The following CEP128 variants were observed in gnomAD, a reference collection of about 807,000 sequenced individuals.
CEP128 encodes centrosomal protein 128kDa.
A neutral mutation model predicts 156.7 loss-of-function variants in CEP128; 132 were observed. That is an observed-to-expected ratio of 0.84 (90% CI 0.73 to 0.97). The LOEUF (loss-of-function observed/expected upper bound fraction) is 0.97. Among genes scored for constraint, CEP128 ranks in the 50% least tolerant of loss-of-function variants. The pLI, the probability that CEP128 is intolerant of heterozygous loss-of-function variation, is 0.00. For synonymous variants in CEP128, 469 were observed against 448.9 expected (o/e 1.04, Z -0.57); for missense variants, 1,252 against 1,281.9 (o/e 0.98, Z 0.36).
At chr14:80,691,789 CTAAA>C (rs1346043274) in intron 19 of CEP128, among the ~76,000 whole-genome samples, 4 of 152,180 alleles carry the variant, frequency 2.6e-5, no homozygotes, top group African/African-American at 9.6e-5. Flanking sequence ...ATAATTAAAA[CTAAA>C]TAAGTTTTTA....
chr14:80,517,293 G>A (rs1888533779), intron 23 of CEP128, among the ~76,000 whole-genome samples: 1 of 151,868 alleles, frequency 6.6e-6, no homozygotes, highest in African/African-American at 2.4e-5. Context: ...TGGTCTTCTA[G>A]ATTTCTACAA....
At chr14:80,727,230 G>C (rs1898053771) in intron 19 of CEP128, among the ~76,000 whole-genome samples, 1 of 151,978 alleles carries the variant, frequency 6.6e-6, no homozygotes. Flanking sequence ...TAGCAGAGAG[G>C]GGAATCATGA....
chr14:80,844,978 C>T (rs973621017), intron 9 of CEP128, among the ~76,000 whole-genome samples: 1 of 152,100 alleles, frequency 6.6e-6, no homozygotes, highest in African/African-American at 2.4e-5. Flanking sequence ...AGTTTAATCA[C>T]CAATTCCCTT....
At chr14:80,675,039 C>A (rs1484827449) in intron 19 of CEP128, among the ~76,000 whole-genome samples, 1 of 151,994 alleles carries the variant, frequency 6.6e-6, no homozygotes, top group Non-Finnish European at 1.5e-5. Context: ...TAAGAATAGC[C>A]ATTTTGCTTT....
intron 19 of CEP128, among the ~76,000 whole-genome samples, chr14:80,664,268 G>A (rs181947668): frequency 9.5e-4 from 145 of 152,196 alleles, no homozygotes; most frequent in African/African-American, 3.2e-3. Context: ...TTCTGGCAGC[G>A]GGTGTCAGAA....
chr14:80,674,417 G>A (rs1476479457), intron 19 of CEP128, among the ~76,000 whole-genome samples: 1 of 152,044 alleles, frequency 6.6e-6, no homozygotes, highest in African/African-American at 2.4e-5. Flanking sequence ...ATCCTTCAGT[G>A]TTCAAACTCT....
At chr14:80,785,886 T>TA (rs1343876595) in intron 14 of CEP128, among the ~76,000 whole-genome samples, 1 of 152,102 alleles carries the variant, frequency 6.6e-6, no homozygotes, top group Non-Finnish European at 1.5e-5. Context: ...AAAGAAAACT[T>TA]ACTACAGGTT....
At chr14:80,541,983 TG>T (rs35490305) in intron 21 of CEP128, among the ~76,000 whole-genome samples, 51,636 of 152,080 alleles carry the variant, frequency 0.34, 9,021 homozygotes, top group African/African-American at 0.39. Context: ...GCAGAGTTGT[TG>T]TAAGGATCAA....
intron 19 of CEP128, among the ~76,000 whole-genome samples, chr14:80,729,057 GGGTGTGT>G (rs1215051378): frequency 4.8e-4 from 49 of 102,168 alleles, no homozygotes; most frequent in East Asian, 2.0e-3. Context: ...GGGCTGGTGG[GGGTGTGT>G]GTGTGTGTGT....
In CEP128 at chr14:80,639,116, CA is replaced by C. The variant is rs999449931; in HGVS notation, c.2807-58694del. ...ACTAACTTAAAAAATGGTATTTAACCAAAAAAAATCTGTATTAATATTATAT... is the reference window on the plus strand; with the variant it reads ...ACTAACTTAAAAAATGGTATTTAACCAAAAAAATCTGTATTAATATTATAT... On this transcript the variant is annotated intron_variant, in intron 19 of 24. Coordinates refer to ENST00000555265, the MANE Select transcript of CEP128 (RefSeq NM_152446.5). 3.3e-5 allele frequency among the ~76,000 whole-genome samples: 5 copies of C among 151,528 alleles called. No individual in the cohort carries two copies. The East Asian group carries it at 7.7e-4, about 23-fold the overall frequency.
At chr14:80,633,228 GAAAC>G (rs58759716) in intron 19 of CEP128, among the ~76,000 whole-genome samples, 132 of 150,556 alleles carry the variant, frequency 8.8e-4, no homozygotes, top group African/African-American at 2.9e-3. Context: ...ACCCTGCCTA[GAAAC>G]AAACAAACAA....
chr14:80,931,947 C>G (rs144152495), intron 2 of CEP128, among the ~76,000 whole-genome samples: 2 of 152,286 alleles, frequency 1.3e-5, no homozygotes, highest in East Asian at 3.9e-4. Flanking sequence ...CAAATCTCAT[C>G]TTGAATTGTA....
At chr14:80,948,810 T>C (rs2217177) in intron 2 of CEP128, among the ~76,000 whole-genome samples, 64,966 of 152,058 alleles carry the variant, frequency 0.43, 14,237 homozygotes, top group Middle Eastern at 0.53. Context: ...ATTTGCCCCA[T>C]TTTAAAAGTT....
intron 8 of CEP128, among the ~76,000 whole-genome samples, chr14:80,885,286 G>C (rs2139339073): frequency 6.6e-6 from 1 of 152,322 alleles, no homozygotes; most frequent in East Asian, 1.9e-4. Context: ...CTAAGGGACA[G>C]ACTGCCTCCT....
At chr14:80,584,601 T>C (rs1461906998) in intron 19 of CEP128, among the ~76,000 whole-genome samples, 3 of 152,212 alleles carry the variant, frequency 2.0e-5, no homozygotes, top group South Asian at 2.1e-4. Context: ...TTTGGAATGA[T>C]GAACACGGTT....
chr14:80,688,955 G>A (rs1386653709), intron 19 of CEP128, among the ~76,000 whole-genome samples: 3 of 152,134 alleles, frequency 2.0e-5, no homozygotes, highest in Admixed American at 2.0e-4. Flanking sequence ...AAAGATGAGG[G>A]AATCAAATAG....
At chr14:80,637,668 G>A (rs1894242575) in intron 19 of CEP128, among the ~76,000 whole-genome samples, 1 of 152,118 alleles carries the variant, frequency 6.6e-6, no homozygotes, top group Non-Finnish European at 1.5e-5. Context: ...CCTAAAAAGA[G>A]ACCAGGTCTT....
intron 9 of CEP128, among the ~76,000 whole-genome samples, chr14:80,859,757 T>C (rs939086004): frequency 1.3e-5 from 2 of 152,006 alleles, no homozygotes; most frequent in African/African-American, 4.8e-5. Context: ...TTGACCAATT[T>C]CCAATGATTA....
intron 2 of CEP128, among the ~76,000 whole-genome samples, chr14:80,935,646 CAAAAAA>C (rs375122664): frequency 8.5e-4 from 44 of 51,598 alleles, no homozygotes; most frequent in East Asian, 2.0e-3. Flanking sequence ...GTCCCCCCAC[CAAAAAA>C]AAAAAAAAAA....
Sources: gnomAD v4.1 joint callset for allele counts (sites outside exome capture counted in the v4.1 genomes callset) on GRCh38, gnomAD v4.1.1 for gene constraint, MANE v1.5 for transcripts, NCBI Gene and HGNC (gene_info 2026-07-23, HGNC 2026-07-21) for gene names.